The following SLC4A10 variants were observed in gnomAD, a reference collection of about 807,000 sequenced individuals.
The protein encoded by SLC4A10 is solute carrier family 4 member 10, also known as sodium-driven chloride bicarbonate exchanger.
A neutral mutation model predicts 137.7 loss-of-function variants in SLC4A10; 42 were observed. The ratio of observed to expected loss-of-function variants is 0.30; its 90% CI spans 0.24 to 0.39. The LOEUF (loss-of-function observed/expected upper bound fraction) is 0.39, where lower values mean the gene tolerates loss of function less well. Among genes scored for constraint, SLC4A10 ranks in the 10% least tolerant of loss-of-function variants. The probability of loss-of-function intolerance (pLI) is 1.00; values close to 1 mark genes in which losing one functional copy is unlikely to be tolerated. For missense variants in SLC4A10, 925 were observed against 1,355.0 expected, an observed-to-expected ratio of 0.68 and a Z score of 4.98; for synonymous variants, 474 against 464.1, an observed-to-expected ratio of 1.02 and a Z score of -0.27.
intron 1 of SLC4A10, among the ~76,000 whole-genome samples, chr2:161,701,352 A>T (rs538939363): frequency 6.6e-6 from 1 of 152,050 alleles, no homozygotes; most frequent in African/African-American, 2.4e-5. Context: ...TTTAGCTTTC[A>T]TAACTATCAC....
At chr2:161,919,539 T>C (rs1687755233) in intron 15 of SLC4A10, among the ~76,000 whole-genome samples, 1 of 152,158 alleles carries the variant, frequency 6.6e-6, no homozygotes, top group Non-Finnish European at 1.5e-5. Flanking sequence ...AGAAAGCAGC[T>C]ACCCTCACTG....
chr2:161,916,992 T>A (rs930509675), intron 15 of SLC4A10, among the ~76,000 whole-genome samples: 6 of 152,174 alleles, frequency 3.9e-5, no homozygotes, highest in African/African-American at 1.4e-4. Flanking sequence ...CCATAATCAA[T>A]GTATAGTACA....
At chr2:161,724,763 C>G (rs2125140051) in intron 1 of SLC4A10, among the ~76,000 whole-genome samples, 1 of 152,242 alleles carries the variant, frequency 6.6e-6, no homozygotes, top group African/African-American at 2.4e-5. Context: ...GTCTTGCTGA[C>G]CTTTTCTTAT....
chr2:161,720,007 C>G (rs1559102796), intron 1 of SLC4A10, among the ~76,000 whole-genome samples: 1 of 152,158 alleles, frequency 6.6e-6, no homozygotes, highest in East Asian at 1.9e-4. Flanking sequence ...AGGTTTTCTT[C>G]TAGGGTTTTT....
rs577413684 is a variant in SLC4A10, at chr2:161,748,799, T to C, written c.49-22174T>C. ...GTTCCATATGAATTTTAGAATTGTT[T>C]TTCTATGTGTATGAAAAATGCCACT... is the stretch of plus-strand genomic sequence containing the variant. On this transcript the variant is annotated intron_variant, in intron 1 of 26. Coordinates refer to ENST00000446997, the MANE Select transcript of SLC4A10 (RefSeq NM_001178015.2). Among the ~76,000 whole-genome samples the C allele has an allele frequency of 7.2e-5, 11 of 152,230 alleles. No homozygotes were observed. In the South Asian group the frequency reaches 2.3e-3, roughly 32 times the overall value.
chr2:161,757,893 T>C (rs1204182415), intron 1 of SLC4A10, among the ~76,000 whole-genome samples: 1 of 152,028 alleles, frequency 6.6e-6, no homozygotes, highest in African/African-American at 2.4e-5. Flanking sequence ...ACATACAAAC[T>C]TAACCCAAAG....
At chr2:161,624,609 G>A in intron 1 of SLC4A10, 43 bp downstream of exon 1, 2 of 1,551,018 alleles carry the variant, frequency 1.3e-6, no homozygotes, top group Non-Finnish European at 1.7e-6. Flanking sequence ...CGCGTTTGCT[G>A]CAAAACCTGT....
intron 15 of SLC4A10, among the ~76,000 whole-genome samples, chr2:161,915,845 A>G (rs983353104): frequency 5.3e-5 from 8 of 152,188 alleles, no homozygotes; most frequent in Non-Finnish European, 8.8e-5. Flanking sequence ...GAGGGGTCCT[A>G]ATCTAATCTT....
chr2:161,648,069 G>A (rs998902974), intron 1 of SLC4A10, among the ~76,000 whole-genome samples: 3 of 152,144 alleles, frequency 2.0e-5, no homozygotes, highest in Non-Finnish European at 2.9e-5. Flanking sequence ...AGTAATTAAG[G>A]CAGCAGCATT....
intron 1 of SLC4A10, among the ~76,000 whole-genome samples, chr2:161,755,254 C>A (rs968064155): frequency 2.0e-5 from 3 of 151,960 alleles, no homozygotes; most frequent in Admixed American, 6.6e-5. Context: ...TGTTTATTTG[C>A]CTAAAGGAAA....
chr2:161,964,291 A>G lies in SLC4A10; in HGVS notation c.3019A>G (p.Ile1007Val), dbSNP rs1487137813. The change falls in exon 22 of 27, where the codon ATT becomes GTT. Residue 1007 changes from isoleucine (I) to valine (V), a missense_variant. Physicochemically the swap from Ile to Val is conservative, Grantham distance 29 (BLOSUM62 3). Transcript: ENST00000446997. ...LWIIKVSRAAIVFPMMVLALV... is the reference protein window; with the variant it reads ...LWIIKVSRAAVVFPMMVLALV... ...GATAATAAAAGTTTCAAGAGCTGCT[A>G]TTGTCTTTCCCATGATGGTATGAAA... 5 of 1,613,376 alleles carry G rather than the reference A, an allele frequency of 3.1e-6. No homozygotes were observed. The highest frequency in any genetic ancestry group is 2.2e-5 in the South Asian group (2 of 91,014).
chr2:161,907,598 A>G (rs1305612166), intron 15 of SLC4A10, among the ~76,000 whole-genome samples: 2 of 152,214 alleles, frequency 1.3e-5, no homozygotes, highest in African/African-American at 4.8e-5. Context: ...ATGCTATAGC[A>G]GCACATCAGG....
At chr2:161,835,782 C>T in intron 3 of SLC4A10, among the ~76,000 whole-genome samples, 1 of 152,202 alleles carries the variant, frequency 6.6e-6, no homozygotes, top group South Asian at 2.1e-4. Context: ...TGTACCTGAT[C>T]TAATGCCTCC....
At position 161,900,972 on chromosome 2, in the gene SLC4A10, A is replaced by G; in HGVS notation, c.1403A>G (p.His468Arg). 2 of 1,569,232 alleles carry G rather than the reference A, an allele frequency of 1.3e-6. No homozygotes were observed. Among genetic ancestry groups the G allele is most frequent in the African/African-American group, 2.7e-5 (2 of 73,878 alleles). ...GTAAHGEAEP[H>R]GGHSGPELQR... ...GCAGCTCATGGGGAAGCAGAGCCCC[A>G]CGGAGGACATAGTGGACCTGAACTC... The change falls in exon 12 of 27, where the codon CAC becomes CGC. Residue 468 changes from histidine (H) to arginine (R), a missense_variant. By Grantham distance (29) the His-to-Arg change is conservative. Around this residue, in one of 11 missense-constraint regions of SLC4A10, gnomAD observed 61 missense variants for 59.0 expected, o/e 1.03. Coordinates refer to ENST00000446997, the MANE Select transcript of SLC4A10 (RefSeq NM_001178015.2).
chr2:161,661,394 G>C (rs979933557), intron 1 of SLC4A10, among the ~76,000 whole-genome samples: 2 of 152,238 alleles, frequency 1.3e-5, no homozygotes, highest in Non-Finnish European at 2.9e-5. Flanking sequence ...AGAATCACTT[G>C]AACTGGGAGG....
rs546931415 is a variant in SLC4A10 at position 161,716,816 on chromosome 2, T to TA, written c.49-54153dup. On this transcript the variant is annotated intron_variant, in intron 1 of 26. Transcript: ENST00000446997. ...CTCTTTTCTGGTTCCATATGAATTT[T>TA]AAAATTTTTTTTCTAATTCTGTGAA... 1.6e-4 allele frequency among the ~76,000 whole-genome samples: 24 copies of TA among 152,288 alleles called. No homozygotes were observed. In the East Asian group the frequency reaches 3.7e-3, roughly 23 times the overall value.
intron 1 of SLC4A10, among the ~76,000 whole-genome samples, chr2:161,763,758 T>C (rs1466340539): frequency 6.6e-6 from 1 of 152,076 alleles, no homozygotes; most frequent in Non-Finnish European, 1.5e-5. Context: ...AGGCAAAGAA[T>C]CTGGTGATGT....
Position 161,894,685 on chromosome 2 carries a change from C to A in SLC4A10, c.1201C>A (p.His401Asn). 1 of 1,393,800 alleles carries A rather than the reference C, an allele frequency of 7.2e-7. No individual in the cohort carries two copies. Among genetic ancestry groups the A allele is most frequent in the Non-Finnish European group, 9.4e-7 (1 of 1,063,626 alleles). The allele number at this position is 1,393,800 out of a possible 1,614,324, so 86.3% of individuals were successfully genotyped here. ...IATLMTDEVF[H>N]DVAYKAKDRN... The stretch of plus-strand genomic sequence containing the variant: ...ATTTCTATTTCTTCTAAAGGTATTT[C>A]ATGATGTTGCCTATAAAGCTAAAGA... The change falls in exon 11 of 27, where the codon CAT becomes AAT. Residue 401 changes from histidine (H) to asparagine (N), a missense_variant. Coordinates refer to ENST00000446997, the MANE Select transcript of SLC4A10 (RefSeq NM_001178015.2).
At chr2:161,698,794 T>C (rs1359663501) in intron 1 of SLC4A10, among the ~76,000 whole-genome samples, 1 of 152,084 alleles carries the variant, frequency 6.6e-6, no homozygotes, top group Non-Finnish European at 1.5e-5. Context: ...TCTGCCAGGG[T>C]TTGATATCAG....
Sources: allele counts gnomAD v4.1 joint callset (sites outside exome capture counted in the v4.1 genomes callset), GRCh38; gene constraint gnomAD v4.1.1; regional missense constraint gnomAD v4.1.1; transcripts MANE v1.5; gene names NCBI Gene and HGNC (gene_info 2026-07-23, HGNC 2026-07-21).